The following PFAS variants were observed in gnomAD, a reference collection of about 807,000 sequenced individuals.
PFAS encodes FGAM synthase.
PFAS carries 97 observed loss-of-function variants against 140.6 expected under a neutral mutation model. That is an observed-to-expected ratio of 0.69 (90% CI 0.59 to 0.82). The LOEUF is 0.82. Among genes scored for constraint, PFAS ranks in the 40% least tolerant of loss-of-function variants. The pLI is 0.00. For synonymous variants in PFAS, 679 were observed against 718.8 expected, an observed-to-expected ratio of 0.94 and a Z score of 0.88; for missense variants, 1,656 against 1,780.2, an observed-to-expected ratio of 0.93 and a Z score of 1.26.
At chr17:8,256,459 A>G (rs1989369418) in intron 7 of PFAS, 52 bp downstream of exon 7, 12 of 1,613,634 alleles carry the variant, frequency 7.4e-6, no homozygotes, top group East Asian at 2.2e-5. Flanking sequence ...GGGAGGCCCC[A>G]GGCCCTGGTT....
intron 1 of PFAS, among the ~76,000 whole-genome samples, chr17:8,251,591 G>T (rs1989154685): frequency 6.6e-6 from 1 of 151,756 alleles, no homozygotes; most frequent in South Asian, 2.1e-4. Flanking sequence ...GTGAGCCACT[G>T]CTCCTGGCTT....
At chr17:8,259,363 T>C (rs1411876818) in intron 11 of PFAS, among the ~76,000 whole-genome samples, 1 of 152,150 alleles carries the variant, frequency 6.6e-6, no homozygotes, top group African/African-American at 2.4e-5. Context: ...CTTGAGCTCC[T>C]GGGCTCAAGC....
chr17:8,248,169 C>T, upstream of PFAS: 1 of 714,732 alleles, frequency 1.4e-6, no homozygotes, highest in Non-Finnish European at 2.5e-6. Flanking sequence ...GCTGCTCACC[C>T]CCTCGCTTCC....
At position 8,264,208 on chromosome 17, in the gene PFAS, A is replaced by G; in HGVS notation, c.1792-4A>G. 1.9e-6 allele frequency: 3 copies of G among 1,613,926 alleles called. No homozygotes were observed. The highest frequency in any genetic ancestry group is 2.5e-6 in the Non-Finnish European group (3 of 1,179,892). On this transcript the variant is annotated splice_region_variant and splice_polypyrimidine_tract_variant and intron_variant, in intron 15 of 27. Coordinates refer to ENST00000314666, the MANE Select transcript of PFAS (RefSeq NM_012393.3). ...CCTCTGGGTGGGGTCCCTGTGGTCT[A>G]TAGATAGTGCTGGTGGACGATCGGG...
chr17:8,262,669 G>A (rs1013663250), intron 11 of PFAS, among the ~76,000 whole-genome samples: 2 of 152,022 alleles, frequency 1.3e-5, no homozygotes, highest in Admixed American at 6.6e-5. Context: ...GATAGCAGGC[G>A]CCTGTAGTCC....
intron 8 of PFAS, 87 bp from the exon 9 acceptor site, chr17:8,256,748 T>C: frequency 1.9e-6 from 3 of 1,553,690 alleles, no homozygotes; most frequent in Non-Finnish European, 2.6e-6. Flanking sequence ...ATCAGGGAAA[T>C]TGGTTGTCCT....
chr17:8,267,977 ATTAT>A lies in PFAS; in HGVS notation c.3382+317_3382+320del, dbSNP rs1277428241. On this transcript the variant is annotated intron_variant, in intron 26 of 27. Transcript: ENST00000314666. This position sits in a 1 kb window ranked among gnomAD's most constrained non-coding sequence, Gnocchi z 4.9. ...ATTAAAATATATATTATTTATATATATTATTTATATATTATTAAAATATATTATT... is the reference window on the plus strand; with the variant it reads ...ATTAAAATATATATTATTTATATATATTATATATTATTAAAATATATTATT... Among the ~76,000 whole-genome samples, 4 of 143,896 alleles carry A rather than the reference ATTAT, an allele frequency of 2.8e-5. No individual in the cohort carries two copies. The highest frequency in any genetic ancestry group is 7.6e-5 in the African/African-American group (3 of 39,398). 94.4% of individuals were successfully genotyped at this position (143,896 alleles called of 152,430 possible).
chr17:8,253,788 C>T (rs1398208013), intron 1 of PFAS, 71 bp from the exon 2 acceptor site: 1 of 1,158,306 alleles, frequency 8.6e-7, no homozygotes, highest in Non-Finnish European at 1.2e-6. Context: ...ATCCACCTGC[C>T]TCAGTCTCCC....
At chr17:8,249,678 G>A (rs1989066677) in intron 1 of PFAS, among the ~76,000 whole-genome samples, 1 of 152,156 alleles carries the variant, frequency 6.6e-6, no homozygotes, top group African/African-American at 2.4e-5. Context: ...AGCTCTTGAA[G>A]CTTATATTTT....
At position 8,255,048 on chromosome 17, in the gene PFAS, A is replaced by T; in HGVS notation, c.300A>T (p.Thr100=). 1 of 1,613,704 alleles carries T rather than the reference A, an allele frequency of 6.2e-7. No individual in the cohort carries two copies. The highest frequency in any genetic ancestry group is 2.2e-5 in the East Asian group (1 of 44,852). Residue 100 remains threonine (T), a synonymous_variant, in exon 4 of 28, where the codon ACA becomes ACT. Transcript: ENST00000314666. ...TCAGGCTGAACTTCTCCACCCCAAC[A>T]TCCACCAACATCGTGTCAGTGTGCC... The part of the protein sequence containing the change: ...VGPRLNFSTP[T]STNIVSVCRA...
Position 8,269,429 on chromosome 17 carries a change from G to A in PFAS, c.*165G>A, listed in dbSNP as rs1325301976. 2 of 591,360 alleles carry A rather than the reference G, an allele frequency of 3.4e-6. No homozygotes were observed. The highest frequency in any genetic ancestry group is 6.0e-6 in the Non-Finnish European group (2 of 331,586). 36.6% of individuals were successfully genotyped at this position (591,360 alleles called of 1,614,324 possible). ...CGGACTCGATAATCTGCCTGCTGAT[G>A]TTCCTTCTGTGGCTGTGTCTATTTT... On this transcript the variant is annotated 3_prime_UTR_variant, in exon 28 of 28. Coordinates refer to ENST00000314666, the MANE Select transcript of PFAS (RefSeq NM_012393.3).
At chr17:8,258,382 T>C (rs1365346377) in intron 11 of PFAS, among the ~76,000 whole-genome samples, 183 bp downstream of exon 11, 3 of 152,206 alleles carry the variant, frequency 2.0e-5, no homozygotes, top group Non-Finnish European at 4.4e-5. Context: ...TTCATTATTG[T>C]GCCCACTTCA....
At chr17:8,248,097 T>TG (rs372313776), upstream of PFAS, 4,523 of 229,330 alleles carry the variant, frequency 0.02, 108 homozygotes, top group African/African-American at 0.17. Context: ...GGGATGGGGG[T>TG]GGGGGGGCGC....
At chr17:8,254,783 A>G (rs1989293803) in intron 3 of PFAS, among the ~76,000 whole-genome samples, 1 of 152,244 alleles carries the variant, frequency 6.6e-6, no homozygotes, top group Middle Eastern at 3.2e-3. Flanking sequence ...TAGCCTGGGC[A>G]ACAGAGCAAG....
chr17:8,259,031 A>G (rs985803336), intron 11 of PFAS, among the ~76,000 whole-genome samples: 8 of 150,766 alleles, frequency 5.3e-5, no homozygotes, highest in Non-Finnish European at 1.0e-4. Flanking sequence ...GTGCATGCCT[A>G]TAGTCCCAGC....
chr17:8,264,425 G>T, intron 16 of PFAS, 45 bp from the exon 17 acceptor site: 1 of 1,612,164 alleles, frequency 6.2e-7, no homozygotes, highest in Non-Finnish European at 8.5e-7. Flanking sequence ...TGTGTGCCCA[G>T]CCCGCCCCAG....
rs766175984 is a variant in PFAS, at chr17:8,264,226, C to T, written c.1806C>T (p.Asp602=). 1.8e-5 allele frequency: 29 copies of T among 1,613,852 alleles called. No individual in the cohort carries two copies. Among genetic ancestry groups the T allele is most frequent in the East Asian group, 6.7e-5 (3 of 44,880 alleles). ...ITGDRRIVLV[D]DRECPVRRNG... is the part of the protein sequence containing the mutation. ...GTGGTCTATAGATAGTGCTGGTGGACGATCGGGAGTGTCCTGTCAGAAGAA... is the reference window on the plus strand; with the variant it reads ...GTGGTCTATAGATAGTGCTGGTGGATGATCGGGAGTGTCCTGTCAGAAGAA... Residue 602 remains aspartate, a synonymous_variant, in exon 16 of 28, where the codon GAC becomes GAT. Coordinates refer to ENST00000314666, the MANE Select transcript of PFAS (RefSeq NM_012393.3).
At chr17:8,248,128 C>A, upstream of PFAS, 1 of 940,694 alleles carries the variant, frequency 1.1e-6, no homozygotes, top group Non-Finnish European at 1.7e-6. Context: ...CACCGGTGAG[C>A]GGGTTTCCTC....
At chr17:8,251,803 C>G (rs1567633377) in intron 1 of PFAS, among the ~76,000 whole-genome samples, 1 of 151,430 alleles carries the variant, frequency 6.6e-6, no homozygotes, top group Non-Finnish European at 1.5e-5. Flanking sequence ...TCCCGAGTAG[C>G]TGGGACTACA....
Sources: allele counts gnomAD v4.1 joint callset (sites outside exome capture counted in the v4.1 genomes callset), GRCh38; gene constraint gnomAD v4.1.1; non-coding constraint Gnocchi (gnomAD v3.1); transcripts MANE v1.5; gene names NCBI Gene and HGNC (gene_info 2026-07-23, HGNC 2026-07-21).